Variants in RAB3IP observed in about 807,000 individuals in gnomAD.
RAB3IP encodes RAB3A interacting protein.
In RAB3IP, 36 loss-of-function variants were observed where a neutral mutation model predicts 59.1. The observed-to-expected ratio is 0.61, with a 90% CI of 0.47 to 0.80. The LOEUF (loss-of-function observed/expected upper bound fraction) is 0.80, where lower values mean the gene tolerates loss of function less well. Among genes scored for constraint, RAB3IP ranks in the 30% least tolerant of loss-of-function variants. RAB3IP has a pLI of 0.00. For missense variants in RAB3IP, 511 were observed against 536.0 expected (o/e 0.95, Z 0.46); for synonymous variants, 207 against 191.2 (o/e 1.08, Z -0.68).
In RAB3IP at chr12:69,822,130, C is replaced by G. The variant is rs1193648443; in HGVS notation, c.*6684C>G. 2 of 152,034 alleles carry G rather than the reference C, an allele frequency of 1.3e-5. No homozygotes were observed. Among genetic ancestry groups the G allele is most frequent in the Non-Finnish European group, 2.9e-5 (2 of 68,022 alleles). The allele number at this position is 152,034 out of a possible 1,614,324, so 9.4% of individuals were successfully genotyped here. A position where few individuals can be genotyped will look rare whatever the true frequency, so the allele number is the denominator to read the frequency against. Reference sequence around the variant, plus strand: ...CTTGGCTGGGAGCTTCTCTTGGAGTCTAGGGTTAGCCAGAGGCTACATGTT... The same window carrying G: ...CTTGGCTGGGAGCTTCTCTTGGAGTGTAGGGTTAGCCAGAGGCTACATGTT... On this transcript the variant is annotated 3_prime_UTR_variant, in exon 11 of 11. Transcript: ENST00000247833.
chr12:69,798,983 A>G (rs1565917870), intron 6 of RAB3IP, among the ~76,000 whole-genome samples: 1 of 152,330 alleles, frequency 6.6e-6, no homozygotes, highest in East Asian at 1.9e-4. Context: ...TTAGAAGATA[A>G]ATGGAATTGA....
chr12:69,765,832 G>C (rs1455684611), intron 3 of RAB3IP, among the ~76,000 whole-genome samples: 1 of 152,212 alleles, frequency 6.6e-6, no homozygotes, highest in South Asian at 2.1e-4. Context: ...TGTAAGGCTA[G>C]TCTAGTGGTA....
chr12:69,760,209 C>A (rs1871081086), intron 3 of RAB3IP, among the ~76,000 whole-genome samples: 1 of 152,258 alleles, frequency 6.6e-6, no homozygotes, highest in Non-Finnish European at 1.5e-5. Context: ...GAAACCCCGT[C>A]TCCACCAAAA....
Position 69,756,519 on chromosome 12 carries a change from T to C in RAB3IP, c.366T>C (p.Ala122=). ...YNAEREFLQG[A]TITEACDGSD... Reference sequence around the variant, plus strand: ...CAGAGAGAGAGTTTTTACAGGGTGCTACTATAACAGAGGCTTGCGATGGCA... The same window carrying C: ...CAGAGAGAGAGTTTTTACAGGGTGCCACTATAACAGAGGCTTGCGATGGCA... The change falls in exon 3 of 11, where the codon GCT becomes GCC. Residue 122 remains alanine, a synonymous_variant. Coordinates refer to ENST00000247833, the MANE Select transcript of RAB3IP (RefSeq NM_022456.5). The C allele has an allele frequency of 6.2e-7, 1 of 1,614,142 alleles. No homozygotes were observed. Among genetic ancestry groups the C allele is most frequent in the African/African-American group, 1.3e-5 (1 of 75,046 alleles).
intron 1 of RAB3IP, among the ~76,000 whole-genome samples, chr12:69,746,026 G>T (rs1363278004): frequency 2.6e-5 from 4 of 152,106 alleles, no homozygotes; most frequent in Non-Finnish European, 4.4e-5. Flanking sequence ...TGGAATAATT[G>T]TGTGTTTGTG....
intron 3 of RAB3IP, among the ~76,000 whole-genome samples, chr12:69,767,389 C>T (rs995509233): frequency 6.6e-6 from 1 of 152,214 alleles, no homozygotes; most frequent in Non-Finnish European, 1.5e-5. Context: ...TCTGTTGCCT[C>T]AGGCAGTGGT....
chr12:69,768,543 T>C (rs1355973067), intron 3 of RAB3IP, among the ~76,000 whole-genome samples: 6 of 152,202 alleles, frequency 3.9e-5, no homozygotes, highest in African/African-American at 1.4e-4. Context: ...GTGGGTGCTC[T>C]GAATGCCTGG....
rs376823554 is a variant in RAB3IP, at chr12:69,771,198, T to C, written c.511-13522T>C. Among the ~76,000 whole-genome samples the C allele has an allele frequency of 2.1e-4, 32 of 152,338 alleles. No individual in the cohort carries two copies. The South Asian group carries it at 6.2e-3, about 30-fold the overall frequency. On this transcript the variant is annotated intron_variant, in intron 3 of 10. Coordinates refer to ENST00000247833, the MANE Select transcript of RAB3IP (RefSeq NM_022456.5). ...CAAATGACAGGATTTCATTCTTGTT[T>C]ATGGCTGAATAGTATTTCATTTTGT... is the stretch of plus-strand genomic sequence containing the variant.
intron 6 of RAB3IP, chr12:69,795,660 A>G (rs1877323739): frequency 8.9e-6 from 4 of 448,672 alleles, no homozygotes; most frequent in South Asian, 6.8e-5. Context: ...ATTTATTGCT[A>G]GAGTGCGCTT....
chr12:69,755,506 A>G lies in RAB3IP; in HGVS notation c.98A>G (p.Gln33Arg). Residue 33 changes from glutamine (Q) to arginine (R), a missense_variant, in exon 2 of 11, where the codon CAG becomes CGG. Gln to Arg is a conservative substitution (Grantham distance 43). Transcript: ENST00000247833. ...LGVYESGTQEQTTSPSVIYRP... is the reference protein window; with the variant it reads ...LGVYESGTQERTTSPSVIYRP... ...GTGTATGAATCAGGAACTCAAGAGC[A>G]GACTACCTCACCAAGTGTCATCTAC... 1 of 1,614,186 alleles carries G rather than the reference A, an allele frequency of 6.2e-7. No homozygotes were observed. Among genetic ancestry groups the G allele is most frequent in the Non-Finnish European group, 8.5e-7 (1 of 1,180,028 alleles).
chr12:69,792,229 A>G (rs1294509562), intron 4 of RAB3IP, among the ~76,000 whole-genome samples: 1 of 152,148 alleles, frequency 6.6e-6, no homozygotes, highest in African/African-American at 2.4e-5. Flanking sequence ...CTGAAGACCC[A>G]ATGTACAGCA....
intron 3 of RAB3IP, among the ~76,000 whole-genome samples, chr12:69,759,876 G>A (rs1287805719): frequency 7.9e-4 from 120 of 151,658 alleles, no homozygotes; most frequent in African/African-American, 2.8e-3. Flanking sequence ...GGGCAGAGAC[G>A]CTCCTCACCT....
At chr12:69,742,614 G>A (rs1263201108) in intron 1 of RAB3IP, among the ~76,000 whole-genome samples, 1 of 152,216 alleles carries the variant, frequency 6.6e-6, no homozygotes. Context: ...GGCCAGGTAA[G>A]TACTGTGCTG....
intron 3 of RAB3IP, among the ~76,000 whole-genome samples, chr12:69,772,002 C>T (rs911458937): frequency 1.3e-5 from 2 of 152,000 alleles, no homozygotes; most frequent in Non-Finnish European, 2.9e-5. Context: ...GTATTTTTGC[C>T]ATTGAGTTGT....
chr12:69,805,980 C>T (rs553038945), intron 8 of RAB3IP, among the ~76,000 whole-genome samples: 212 of 152,150 alleles, frequency 1.4e-3, no homozygotes, highest in African/African-American at 4.8e-3. Flanking sequence ...TGTCTCTGCC[C>T]GGCTTTGGTA....
intron 10 of RAB3IP, among the ~76,000 whole-genome samples, chr12:69,814,393 A>T (rs775562144): frequency 1.3e-5 from 2 of 152,154 alleles, no homozygotes; most frequent in Non-Finnish European, 2.9e-5. Context: ...TGTTGTAAAC[A>T]GGTATTAGTC....
chr12:69,760,462 T>G (rs1306303470), intron 3 of RAB3IP, among the ~76,000 whole-genome samples: 1 of 152,226 alleles, frequency 6.6e-6, no homozygotes, highest in African/African-American at 2.4e-5. Context: ...CTCCTCTTGC[T>G]CAGGATCCGT....
intron 6 of RAB3IP, among the ~76,000 whole-genome samples, chr12:69,796,948 A>AT (rs1417777384): frequency 6.6e-6 from 1 of 152,250 alleles, no homozygotes; most frequent in African/African-American, 2.4e-5. Flanking sequence ...TAGGCAGCAT[A>AT]TAACTTCAAA....
Position 69,816,540 on chromosome 12 carries a change from G to T in RAB3IP, c.*1094G>T, listed in dbSNP as rs1881159030. On this transcript the variant is annotated 3_prime_UTR_variant, in exon 11 of 11. Coordinates refer to ENST00000247833, the MANE Select transcript of RAB3IP (RefSeq NM_022456.5). The stretch of plus-strand genomic sequence containing the variant: ...CTACACATCCTAATCCCTGTTTATA[G>T]AATTTTAACATAATTTAATTGTGTT... 6.6e-6 allele frequency: 1 copy of T among 151,802 alleles called. No individual in the cohort carries two copies. The highest frequency in any genetic ancestry group is 1.5e-5 in the Non-Finnish European group (1 of 67,968). 9.4% of individuals were successfully genotyped at this position (151,802 alleles called of 1,614,324 possible).
Sources: allele counts gnomAD v4.1 joint callset (sites outside exome capture counted in the v4.1 genomes callset), GRCh38; gene constraint gnomAD v4.1.1; transcripts MANE v1.5; gene names NCBI Gene and HGNC (gene_info 2026-07-23, HGNC 2026-07-21).